The following PIEZO2 variants were observed in gnomAD, a reference collection of about 807,000 sequenced individuals.
PIEZO2 encodes piezo type mechanosensitive ion channel component 2.
In PIEZO2, 172 loss-of-function variants were observed where a neutral mutation model predicts 337.3. The ratio of observed to expected loss-of-function variants is 0.51; its 90% CI spans 0.45 to 0.58. The LOEUF (loss-of-function observed/expected upper bound fraction) is 0.58. Among genes scored for constraint, PIEZO2 ranks in the 20% least tolerant of loss-of-function variants. The probability of loss-of-function intolerance (pLI) is 0.00; values close to 1 mark genes in which losing one functional copy is unlikely to be tolerated. For missense variants in PIEZO2, 3,028 were observed against 3,391.3 expected (o/e 0.89, Z 2.66); for synonymous variants, 1,251 against 1,228.5 (o/e 1.02, Z -0.38).
chr18:11,136,450 T>A (rs1467327326), intron 1 of PIEZO2, among the ~76,000 whole-genome samples: 2 of 152,246 alleles, frequency 1.3e-5, no homozygotes, highest in African/African-American at 4.8e-5. Context: ...TGAGGATGGA[T>A]TGCCAGAGGC....
chr18:10,888,875 A>T lies in PIEZO2; in HGVS notation c.330-17460T>A, dbSNP rs763503187. Among the ~76,000 whole-genome samples the T allele has an allele frequency of 1.3e-4, 20 of 151,220 alleles. No homozygotes were observed. The highest frequency in any genetic ancestry group is 2.7e-4 in the Non-Finnish European group (18 of 67,870). Reference sequence around the variant, plus strand: ...ACTTTCTCATACAGGGTACACTTCCACCAACACCTCCATGCAACCCCTCTC... The same window carrying T: ...ACTTTCTCATACAGGGTACACTTCCTCCAACACCTCCATGCAACCCCTCTC... On this transcript the variant is annotated intron_variant, in intron 4 of 55. Transcript: ENST00000674853. This position sits in a 1 kb window ranked among gnomAD's most constrained non-coding sequence, Gnocchi z 4.1.
intron 47 of PIEZO2, among the ~76,000 whole-genome samples, chr18:10,695,603 C>G (rs1489246906): frequency 6.6e-6 from 1 of 152,162 alleles, no homozygotes; most frequent in Non-Finnish European, 1.5e-5. Flanking sequence ...TGTGGAGACT[C>G]TATCATCTGC....
At chr18:10,835,276 A>AT (rs56962370) in intron 7 of PIEZO2, among the ~76,000 whole-genome samples, 9,298 of 143,230 alleles carry the variant, frequency 0.065, 512 homozygotes, top group African/African-American at 0.15. Context: ...CAATGACCTC[A>AT]TTTTTTTTTT....
chr18:11,136,539 A>G (rs1329645409), intron 1 of PIEZO2, among the ~76,000 whole-genome samples: 2 of 152,254 alleles, frequency 1.3e-5, no homozygotes, highest in East Asian at 3.8e-4. Context: ...TACCAGCTAG[A>G]CTGATTTTGG....
In PIEZO2 at chr18:11,087,863, C is replaced by T. The variant is rs1258700075; in HGVS notation, c.65-21641G>A. On this transcript the variant is annotated intron_variant, in intron 1 of 55. Coordinates refer to ENST00000674853, the MANE Select transcript of PIEZO2 (RefSeq NM_001378183.1). Reference sequence around the variant, plus strand: ...ACGGTGCCTGCCTTTCCTCCTGCCACCCTCCAAGCACTCACAGAACTTCAG... The same window carrying T: ...ACGGTGCCTGCCTTTCCTCCTGCCATCCTCCAAGCACTCACAGAACTTCAG... 2.6e-5 allele frequency among the ~76,000 whole-genome samples: 4 copies of T among 152,280 alleles called. No individual in the cohort carries two copies. In the East Asian group the frequency reaches 7.7e-4, roughly 29 times the overall value.
Position 10,784,837 on chromosome 18 carries a change from A to G in PIEZO2, c.2439T>C (p.Leu813=). The G allele has an allele frequency of 6.5e-7, 1 of 1,537,720 alleles. No homozygotes were observed. Among genetic ancestry groups the G allele is most frequent in the African/African-American group, 1.4e-5 (1 of 73,146 alleles). The change falls in exon 17 of 56, where the codon CTT becomes CTC. Residue 813 remains leucine, a synonymous_variant. Transcript: ENST00000674853. The surrounding 1 kb of genome is among the most constrained non-coding windows in gnomAD (Gnocchi z 4.5). ...LHLHYFHDRF[L]ELTDLKSIPS... ...GAATGGACTTGAGGTCTGTGAGTTCAAGGAACCGGTCATGGAAGTAGTGCA... is the reference window on the plus strand; with the variant it reads ...GAATGGACTTGAGGTCTGTGAGTTCGAGGAACCGGTCATGGAAGTAGTGCA...
rs921230353 is a variant in PIEZO2 at position 11,148,793 on chromosome 18, G to C, written c.-205C>G. 4 of 514,966 alleles carry C rather than the reference G, an allele frequency of 7.8e-6. No individual in the cohort carries two copies. The highest frequency in any genetic ancestry group is 8.0e-5 in the Admixed American group (2 of 24,958). 31.9% of individuals were successfully genotyped at this position (514,966 alleles called of 1,614,324 possible). On this transcript the variant is annotated 5_prime_UTR_variant, in exon 1 of 56. Transcript: ENST00000674853. The surrounding 1 kb of genome is among the most constrained non-coding windows in gnomAD (Gnocchi z 5.2). ...GCCGCCCCTCGCCCACCGGGCTCTG[G>C]GTAGCCCCTCACCAGGCTCTTGGCG...
chr18:10,758,811 G>A (rs996064444), intron 26 of PIEZO2, among the ~76,000 whole-genome samples: 2 of 152,212 alleles, frequency 1.3e-5, no homozygotes, highest in Non-Finnish European at 2.9e-5. Flanking sequence ...GGACTGTGCT[G>A]GACAGCACAG....
Position 10,855,250 on chromosome 18 carries a change from C to T in PIEZO2, c.917+103G>A, listed in dbSNP as rs961116373. On this transcript the variant is annotated intron_variant, in intron 7 of 55. Transcript: ENST00000674853. This position sits in a 1 kb window ranked among gnomAD's most constrained non-coding sequence, Gnocchi z 4.9. ...AAATCTTTGCTTAACACAGCAATTG[C>T]CTGCCATCAAGAATAACCCCTGTAA... is the stretch of plus-strand genomic sequence containing the variant. 1.9e-6 allele frequency: 2 copies of T among 1,028,518 alleles called. No homozygotes were observed. The highest frequency in any genetic ancestry group is 1.6e-5 in the African/African-American group (1 of 62,342). 63.7% of individuals were successfully genotyped at this position (1,028,518 alleles called of 1,614,324 possible).
At chr18:10,788,635 T>G (rs1374750846) in intron 15 of PIEZO2, among the ~76,000 whole-genome samples, 2 of 152,164 alleles carry the variant, frequency 1.3e-5, no homozygotes, top group African/African-American at 4.8e-5. Context: ...TGGAGTGCAG[T>G]GGTACAAGCA....
intron 53 of PIEZO2, among the ~76,000 whole-genome samples, chr18:10,675,923 C>T (rs188922676): frequency 1.1e-4 from 17 of 152,326 alleles, no homozygotes; most frequent in African/African-American, 4.1e-4. Flanking sequence ...GCCTTTACTC[C>T]TCCTTCGCCT....
Position 10,797,316 on chromosome 18 carries a change from C to T in PIEZO2, c.1527+58G>A. The T allele has an allele frequency of 1.5e-6, 2 of 1,307,486 alleles. 1 individual carries two copies. The highest frequency in any genetic ancestry group is 2.7e-5 in the South Asian group (2 of 73,622). The allele number at this position is 1,307,486 out of a possible 1,614,324, so 81.0% of individuals were successfully genotyped here. A position where few individuals can be genotyped will look rare whatever the true frequency, so the allele number is the denominator to read the frequency against. ...ATATTATACATACCGTCATGGCACA[C>T]ATACCATCATATCATATTATACATA... On this transcript the variant is annotated intron_variant, in intron 12 of 55. Coordinates refer to ENST00000674853, the MANE Select transcript of PIEZO2 (RefSeq NM_001378183.1).
At position 10,716,538 on chromosome 18, in the gene PIEZO2, T is replaced by C. The variant is rs562950635; in HGVS notation, c.5090-722A>G. On this transcript the variant is annotated intron_variant, in intron 37 of 55. Transcript: ENST00000674853. This position sits in a 1 kb window ranked among gnomAD's most constrained non-coding sequence, Gnocchi z 4.1. ...TAAGAAGCAAGGAAAAGAGCGGGTA[T>C]CTTTTGCTGAGCAAGGAGGCACAGG... 3.3e-5 allele frequency among the ~76,000 whole-genome samples: 5 copies of C among 152,280 alleles called. No individual in the cohort carries two copies. The South Asian group carries it at 1.0e-3, about 32-fold the overall frequency.
intron 7 of PIEZO2, among the ~76,000 whole-genome samples, chr18:10,835,252 G>T (rs2040971303): frequency 6.6e-6 from 1 of 151,422 alleles, no homozygotes; most frequent in Non-Finnish European, 1.5e-5. Flanking sequence ...GCTCTCCTAG[G>T]TTAAAGGCCT....
intron 1 of PIEZO2, among the ~76,000 whole-genome samples, chr18:11,082,778 C>G (rs978170662): frequency 7.2e-5 from 11 of 152,002 alleles, no homozygotes; most frequent in Non-Finnish European, 1.5e-4. Flanking sequence ...GCAGATTGCC[C>G]AGAATTACAA....
At chr18:11,107,762 C>A (rs115834566) in intron 1 of PIEZO2, among the ~76,000 whole-genome samples, 2 of 152,084 alleles carry the variant, frequency 1.3e-5, no homozygotes, top group South Asian at 4.1e-4. Flanking sequence ...TACATTAGGA[C>A]GACAGGGTTG....
chr18:11,135,761 T>C (rs1025895515), intron 1 of PIEZO2, among the ~76,000 whole-genome samples: 4 of 152,218 alleles, frequency 2.6e-5, no homozygotes, highest in Non-Finnish European at 5.9e-5. Context: ...TTGGCCAGGA[T>C]GGTCTCAATC....
Position 10,726,234 on chromosome 18 carries a change from TG to T in PIEZO2, c.5029+5172del. ...GGAGGGGCTTCACGCTGCCTGGGGC[TG>T]GAAGAGCTTGTGTGCGAGCCTGTGT... On this transcript the variant is annotated intron_variant, in intron 36 of 55. Transcript: ENST00000674853. The surrounding 1 kb of genome is among the most constrained non-coding windows in gnomAD (Gnocchi z 5.9). The T allele has an allele frequency of 1.4e-6, 1 of 727,380 alleles. No homozygotes were observed. The highest frequency in any genetic ancestry group is 2.4e-6 in the Non-Finnish European group (1 of 411,416). The allele number at this position is 727,380 out of a possible 1,614,324, so 45.1% of individuals were successfully genotyped here. A position where few individuals can be genotyped will look rare whatever the true frequency, so the allele number is the denominator to read the frequency against.
In PIEZO2 at chr18:10,846,561, G is replaced by A. The variant is rs962300475; in HGVS notation, c.917+8792C>T. ...ATGTATGTCAGCAGTGTTAAATCCT[G>A]AGAGTACCAAAGCCAAAAAAGCCCA... On this transcript the variant is annotated intron_variant, in intron 7 of 55. Coordinates refer to ENST00000674853, the MANE Select transcript of PIEZO2 (RefSeq NM_001378183.1). The surrounding 1 kb of genome is among the most constrained non-coding windows in gnomAD (Gnocchi z 4.1). 9.9e-5 allele frequency among the ~76,000 whole-genome samples: 15 copies of A among 152,164 alleles called. No homozygotes were observed. The highest frequency in any genetic ancestry group is 3.6e-4 in the African/African-American group (15 of 41,446).
Sources: allele counts gnomAD v4.1 joint callset (sites outside exome capture counted in the v4.1 genomes callset), GRCh38; gene constraint gnomAD v4.1.1; non-coding constraint Gnocchi (gnomAD v3.1); transcripts MANE v1.5; gene names NCBI Gene and HGNC (gene_info 2026-07-23, HGNC 2026-07-21).